The following LIPC variants were observed in gnomAD, a reference collection of about 807,000 sequenced individuals.
The protein encoded by LIPC is hepatic triacylglycerol lipase.
In LIPC, 44 loss-of-function variants were observed where a neutral mutation model predicts 50.7. The ratio of observed to expected loss-of-function variants is 0.87; its 90% CI spans 0.68 to 1.11. The LOEUF (loss-of-function observed/expected upper bound fraction) is 1.11, where lower values mean the gene tolerates loss of function less well. LIPC is among the 50% of genes most tolerant of loss of function. LIPC has a pLI of 0.00. For missense variants in LIPC, 697 were observed against 648.2 expected (o/e 1.08, Z -0.82); for synonymous variants, 271 against 256.4 (o/e 1.06, Z -0.54).
chr15:58,515,680 T>C (rs1465694332), intron 1 of LIPC, among the ~76,000 whole-genome samples: 1 of 152,070 alleles, frequency 6.6e-6, no homozygotes, highest in Non-Finnish European at 1.5e-5. Context: ...ATAGGGAGTT[T>C]GTGAGACATA....
intron 1 of LIPC, among the ~76,000 whole-genome samples, chr15:58,450,993 A>G (rs1893879706): frequency 6.6e-6 from 1 of 152,154 alleles, no homozygotes; most frequent in Non-Finnish European, 1.5e-5. Context: ...TGAGGCTGCA[A>G]TTGCGATTTA....
chr15:58,530,155 A>G lies in LIPC; in HGVS notation c.89-8178A>G, dbSNP rs190306520. On this transcript the variant is annotated intron_variant, in intron 1 of 8. Transcript: ENST00000299022. Reference sequence around the variant, plus strand: ...TGCAGGCTGGGTGCAGCGACGCTGCATGGTCTCCAGGCGCCTTGTGTTTCT... The same window carrying G: ...TGCAGGCTGGGTGCAGCGACGCTGCGTGGTCTCCAGGCGCCTTGTGTTTCT... 6.2e-3 allele frequency among the ~76,000 whole-genome samples: 951 copies of G among 152,348 alleles called. 7 individuals carry two copies. Among genetic ancestry groups the G allele is most frequent in the African/African-American group, 0.022 (914 of 41,586 alleles).
chr15:58,546,800 T>C (rs951320512), intron 5 of LIPC, among the ~76,000 whole-genome samples: 5 of 152,302 alleles, frequency 3.3e-5, no homozygotes, highest in Admixed American at 6.5e-5. Flanking sequence ...TCTCTTGTGA[T>C]GACACCATCC....
intron 1 of LIPC, among the ~76,000 whole-genome samples, chr15:58,439,269 T>G (rs1893421727): frequency 6.6e-6 from 1 of 152,212 alleles, no homozygotes; most frequent in South Asian, 2.1e-4. Context: ...GTATCTGAAC[T>G]TTTGTCTCTT....
At chr15:58,563,452 A>T in intron 7 of LIPC, 53 bp from the exon 8 acceptor site, 1 of 1,436,370 alleles carries the variant, frequency 7.0e-7, no homozygotes, top group Non-Finnish European at 9.8e-7. Context: ...TGTGACCGTC[A>T]CTTTGCTGTT....
chr15:58,439,738 G>A (rs959830707), intron 1 of LIPC, among the ~76,000 whole-genome samples: 3 of 152,114 alleles, frequency 2.0e-5, no homozygotes, highest in African/African-American at 4.8e-5. Flanking sequence ...CACCGCCCCC[G>A]GCCAGGGCTT....
intron 1 of LIPC, among the ~76,000 whole-genome samples, chr15:58,525,225 C>A (rs1423091023): frequency 1.3e-5 from 2 of 152,180 alleles, no homozygotes; most frequent in Non-Finnish European, 2.9e-5. Flanking sequence ...AACAACCTGG[C>A]CAATTTGAGA....
chr15:58,555,669 C>A (rs1893918540), intron 6 of LIPC, among the ~76,000 whole-genome samples: 1 of 152,196 alleles, frequency 6.6e-6, no homozygotes, highest in East Asian at 1.9e-4. Context: ...CTGAAGAAAG[C>A]AAGTGGGACT....
At chr15:58,553,319 G>A (rs1340480797) in intron 6 of LIPC, among the ~76,000 whole-genome samples, 1 of 152,214 alleles carries the variant, frequency 6.6e-6, no homozygotes, top group Admixed American at 6.5e-5. Context: ...GCATTGGCCA[G>A]GCACGGTGGC....
chr15:58,560,245 CAT>C (rs1250028726), intron 6 of LIPC, among the ~76,000 whole-genome samples: 2 of 152,202 alleles, frequency 1.3e-5, no homozygotes, highest in East Asian at 1.9e-4. Context: ...ACATTCCAGA[CAT>C]GTGATAAAAC....
At chr15:58,511,728 A>G (rs1425873351) in intron 1 of LIPC, among the ~76,000 whole-genome samples, 4 of 152,244 alleles carry the variant, frequency 2.6e-5, no homozygotes, top group Non-Finnish European at 5.9e-5. Flanking sequence ...TGGGATATAG[A>G]GAAAGGTCTA....
intron 1 of LIPC, among the ~76,000 whole-genome samples, chr15:58,461,544 G>C (rs1177671014): frequency 6.6e-6 from 1 of 152,062 alleles, no homozygotes; most frequent in African/African-American, 2.4e-5. Context: ...GATTAGCTGG[G>C]ATTACTGGTG....
intron 1 of LIPC, among the ~76,000 whole-genome samples, chr15:58,442,520 G>A (rs546652950): frequency 6.6e-6 from 1 of 152,340 alleles, no homozygotes; most frequent in East Asian, 1.9e-4. Context: ...GGTATTTGAT[G>A]CTGTTTGGAA....
At chr15:58,533,551 C>T (rs1231518378) in intron 1 of LIPC, among the ~76,000 whole-genome samples, 5 of 152,082 alleles carry the variant, frequency 3.3e-5, no homozygotes, top group East Asian at 1.9e-4. Context: ...GCAAATAAAA[C>T]CTTGAAACAG....
chr15:58,502,532 T>A (rs1328942321), intron 1 of LIPC, among the ~76,000 whole-genome samples: 1 of 152,036 alleles, frequency 6.6e-6, no homozygotes, highest in African/African-American at 2.4e-5. Flanking sequence ...TGTTTGTTTT[T>A]ATGAAAACGT....
intron 2 of LIPC, among the ~76,000 whole-genome samples, chr15:58,538,850 G>T (rs1893232281): frequency 6.6e-6 from 1 of 152,208 alleles, no homozygotes; most frequent in Non-Finnish European, 1.5e-5. Context: ...TACACACAGG[G>T]GGACATAGGA....
chr15:58,567,224 T>G (rs1454436961), intron 8 of LIPC, among the ~76,000 whole-genome samples: 1 of 134,666 alleles, frequency 7.4e-6, no homozygotes, highest in Non-Finnish European at 1.6e-5. Context: ...AATATATATA[T>G]ATATATGTAT....
chr15:58,492,878 A>AG (rs1891632250), intron 1 of LIPC, among the ~76,000 whole-genome samples: 1 of 152,180 alleles, frequency 6.6e-6, no homozygotes, highest in South Asian at 2.1e-4. Flanking sequence ...GGCCAAGAAC[A>AG]GGAGAGGGGG....
chr15:58,563,896 G>C (rs1348809324), intron 8 of LIPC, 173 bp downstream of exon 8: 2 of 672,284 alleles, frequency 3.0e-6, no homozygotes, highest in African/African-American at 1.8e-5. Context: ...ACAGCCACAG[G>C]TGCCAGGACA....
Sources: allele counts gnomAD v4.1 joint callset (sites outside exome capture counted in the v4.1 genomes callset), GRCh38; gene constraint gnomAD v4.1.1; transcripts MANE v1.5; gene names NCBI Gene and HGNC (gene_info 2026-07-23, HGNC 2026-07-21).